The following TMC2 variants were observed in gnomAD, a reference collection of about 807,000 sequenced individuals.
The protein encoded by TMC2 is transmembrane channel like 2.
A neutral mutation model predicts 105.9 loss-of-function variants in TMC2; 102 were observed. The observed-to-expected ratio is 0.96, with a 90% CI of 0.82 to 1.14. The LOEUF (loss-of-function observed/expected upper bound fraction) is 1.14. Ranked by LOEUF, TMC2 falls within the 50% of genes most tolerant of loss-of-function variation. The pLI is 0.00. For missense variants in TMC2, 1,093 were observed against 1,134.3 expected, an observed-to-expected ratio of 0.96 and a Z score of 0.52; for synonymous variants, 402 against 422.8, an observed-to-expected ratio of 0.95 and a Z score of 0.60.
Position 2,586,090 on chromosome 20 carries a change from C to T in TMC2, c.834+6034C>T, listed in dbSNP as rs61084127. The stretch of plus-strand genomic sequence containing the variant: ...ATCCCTTCCACATGCAGAATACACT[C>T]GCCCCTCCTCAAGGCCTCTAAAAAT... On this transcript the variant is annotated intron_variant, in intron 7 of 19. Transcript: ENST00000358864. Among the ~76,000 whole-genome samples the T allele has an allele frequency of 4.4e-3, 668 of 152,238 alleles. 7 individuals carry two copies. The highest frequency in any genetic ancestry group is 0.015 in the African/African-American group (632 of 41,532).
rs1266189247 is a variant in TMC2, at chr20:2,596,866, C to T, written c.1077-285C>T. On this transcript the variant is annotated intron_variant, in intron 9 of 19. Transcript: ENST00000358864. ...GCAGATGAGTCAAGCCACAGGAAAT[C>T]GGGTGTAGGGAAGAAAACATGGTCA... is the stretch of plus-strand genomic sequence containing the variant. 4.6e-5 allele frequency among the ~76,000 whole-genome samples: 7 copies of T among 152,048 alleles called. No homozygotes were observed. In the East Asian group the frequency reaches 9.7e-4, roughly 21 times the overall value.
At chr20:2,635,224 G>A (rs1307996267) in intron 17 of TMC2, among the ~76,000 whole-genome samples, 3 of 152,188 alleles carry the variant, frequency 2.0e-5, no homozygotes, top group Non-Finnish European at 2.9e-5. Flanking sequence ...ATCACCTAGT[G>A]AGCCAATGGG....
At chr20:2,589,494 T>C (rs2086254369) in intron 7 of TMC2, among the ~76,000 whole-genome samples, 1 of 152,142 alleles carries the variant, frequency 6.6e-6, no homozygotes, top group African/African-American at 2.4e-5. Context: ...TTTTAGCTGC[T>C]GTGATTGAAA....
intron 2 of TMC2, among the ~76,000 whole-genome samples, chr20:2,546,479 C>A (rs369579252): frequency 2.4e-5 from 1 of 41,406 alleles, no homozygotes; most frequent in South Asian, 8.1e-4. Context: ...TAGTAACCTG[C>A]AGAGTTGGGC....
chr20:2,619,493 TAA>T (rs2086509290), intron 16 of TMC2, among the ~76,000 whole-genome samples: 1 of 152,102 alleles, frequency 6.6e-6, no homozygotes, highest in Admixed American at 6.5e-5. Context: ...GCATGTAAAA[TAA>T]AGTCACTCAT....
At position 2,643,371 on chromosome 20, in the gene TMC2, C is replaced by T. The variant is rs2146280442; in HGVS notation, c.*2020C>T. On this transcript the variant is annotated 3_prime_UTR_variant, in exon 20 of 20. Transcript: ENST00000358864. ...AGGCCCTGAGGCAGGGAACACTCTG[C>T]CTGCCTGAGCCATTGGTCCCCTAGT... Among the ~76,000 whole-genome samples the T allele has an allele frequency of 6.6e-6, 1 of 152,306 alleles. No individual in the cohort carries two copies. The highest frequency in any genetic ancestry group is 2.1e-4 in the South Asian group (1 of 4,830).
At chr20:2,581,878 AT>A (rs1263761543) in intron 7 of TMC2, among the ~76,000 whole-genome samples, 3 of 152,238 alleles carry the variant, frequency 2.0e-5, no homozygotes, top group African/African-American at 4.8e-5. Context: ...TGATTGGTGC[AT>A]TCCAATGAAG....
At chr20:2,637,206 T>A (rs1296645306) in intron 18 of TMC2, among the ~76,000 whole-genome samples, 1 of 65,206 alleles carries the variant, frequency 1.5e-5, no homozygotes, top group East Asian at 8.3e-4. Flanking sequence ...TGGGCTAACA[T>A]GGTGAACCCG....
At chr20:2,544,961 AGAGGCAGGAGGATCACTT>A (rs1219666908) in intron 2 of TMC2, among the ~76,000 whole-genome samples, 48 of 151,762 alleles carry the variant, frequency 3.2e-4, no homozygotes, top group African/African-American at 1.2e-3. Context: ...TTCAAGAGGC[AGAGGCAGGAGGATCACTT>A]GAGGCCAGGA....
rs2086191700 is a variant in TMC2 at position 2,581,769 on chromosome 20, T to C, written c.834+1713T>C. Reference sequence around the variant, plus strand: ...GGAAGTTGAGCAATTTTAAGGACACTCGGTTGCTTTTTAAAAGAGAACATT... The same window carrying C: ...GGAAGTTGAGCAATTTTAAGGACACCCGGTTGCTTTTTAAAAGAGAACATT... On this transcript the variant is annotated intron_variant, in intron 7 of 19. Coordinates refer to ENST00000358864, the MANE Select transcript of TMC2 (RefSeq NM_080751.3). 1.3e-5 allele frequency among the ~76,000 whole-genome samples: 2 copies of C among 152,254 alleles called. 1 individual carries two copies. The highest frequency in any genetic ancestry group is 4.1e-4 in the South Asian group (2 of 4,832).
rs1457803157 is a variant in TMC2, at chr20:2,558,871, CG to C, written c.401+101del. 1.6e-5 allele frequency: 20 copies of C among 1,275,912 alleles called. No homozygotes were observed. The highest frequency in any genetic ancestry group is 2.1e-5 in the Non-Finnish European group (20 of 943,978). 79.0% of individuals were successfully genotyped at this position (1,275,912 alleles called of 1,614,324 possible). Reference sequence around the variant, plus strand: ...CGTGAGGGACTGATGCCCCCCTCCCCGGGGAGAGGCAGCCCGTGCCCTCGCT... The same window carrying C: ...CGTGAGGGACTGATGCCCCCCTCCCCGGGAGAGGCAGCCCGTGCCCTCGCT... On this transcript the variant is annotated intron_variant, in intron 3 of 19. Coordinates refer to ENST00000358864, the MANE Select transcript of TMC2 (RefSeq NM_080751.3). The surrounding 1 kb of genome is among the most constrained non-coding windows in gnomAD (Gnocchi z 4.6).
chr20:2,552,362 G>T (rs2085961982), intron 2 of TMC2, among the ~76,000 whole-genome samples: 1 of 152,196 alleles, frequency 6.6e-6, no homozygotes, highest in African/African-American at 2.4e-5. Flanking sequence ...AAGCTGGGAA[G>T]AACTTACATT....
Position 2,562,138 on chromosome 20 carries a change from C to T in TMC2, c.554+128C>T, listed in dbSNP as rs561444772. The T allele has an allele frequency of 1.6e-4, 185 of 1,182,338 alleles. 3 individuals carry two copies. The South Asian group carries it at 2.8e-3, about 18-fold the overall frequency. 73.2% of individuals were successfully genotyped at this position (1,182,338 alleles called of 1,614,324 possible). The stretch of plus-strand genomic sequence containing the variant: ...GGGGGCTGCTCCAGCGAGGACAGCA[C>T]TCAGGGAGCCCCATGAGAGCCAAGG... On this transcript the variant is annotated intron_variant, in intron 4 of 19. Transcript: ENST00000358864.
At chr20:2,621,117 C>G (rs2086521627) in intron 16 of TMC2, among the ~76,000 whole-genome samples, 1 of 152,100 alleles carries the variant, frequency 6.6e-6, no homozygotes, top group Admixed American at 6.5e-5. Context: ...AATCCCACAA[C>G]TTTGGGAGGC....
intron 4 of TMC2, among the ~76,000 whole-genome samples, chr20:2,567,641 C>A (rs1341284447): frequency 6.6e-6 from 1 of 152,096 alleles, no homozygotes; most frequent in Non-Finnish European, 1.5e-5. Context: ...AAGCAATCCT[C>A]CCACCTCAGC....
chr20:2,573,537 ATTCTTTTTTTTTTCTTTTCTT>A (rs2086117968), intron 5 of TMC2, among the ~76,000 whole-genome samples: 1 of 133,550 alleles, frequency 7.5e-6, no homozygotes, highest in Admixed American at 7.1e-5. Context: ...TCTCTTATTA[ATTCTTTTTTTTTTCTTTTCTT>A]TTCTTTTTTT....
In TMC2 at chr20:2,602,313, A is replaced by G. The variant is rs373077322; in HGVS notation, c.1413+12A>G. The G allele has an allele frequency of 6.4e-7, 1 of 1,565,738 alleles. No individual in the cohort carries two copies. The highest frequency in any genetic ancestry group is 1.4e-5 in the African/African-American group (1 of 72,910). On this transcript the variant is annotated intron_variant, in intron 11 of 19. Transcript: ENST00000358864. The stretch of plus-strand genomic sequence containing the variant: ...ATGAAAGGAATGAGGTAAGAAAAAC[A>G]TCGCTGATGAACTGAAGGTTGATGG...
intron 2 of TMC2, among the ~76,000 whole-genome samples, chr20:2,553,666 C>T (rs192118988): frequency 6.6e-6 from 1 of 152,110 alleles, no homozygotes; most frequent in South Asian, 2.1e-4. Context: ...AAACATTTGA[C>T]AAAATCACCA....
rs1600132972 is a variant in TMC2, at chr20:2,616,069, T to G, written c.1873-68T>G. 3.0e-6 allele frequency: 4 copies of G among 1,350,962 alleles called. No homozygotes were observed. Among genetic ancestry groups the G allele is most frequent in the East Asian group, 2.4e-5 (1 of 42,026 alleles). 83.7% of individuals were successfully genotyped at this position (1,350,962 alleles called of 1,614,324 possible). ...CTTGGCCAGTTGGTTGGTAGTAGGG[T>G]TTGGCTGAATTCACCAAACGTGCTT... On this transcript the variant is annotated intron_variant, in intron 14 of 19. Coordinates refer to ENST00000358864, the MANE Select transcript of TMC2 (RefSeq NM_080751.3). This position sits in a 1 kb window ranked among gnomAD's most constrained non-coding sequence, Gnocchi z 4.8.
Sources: allele counts gnomAD v4.1 joint callset (sites outside exome capture counted in the v4.1 genomes callset), GRCh38; gene constraint gnomAD v4.1.1; non-coding constraint Gnocchi (gnomAD v3.1); transcripts MANE v1.5; gene names NCBI Gene and HGNC (gene_info 2026-07-23, HGNC 2026-07-21).